The following KHDRBS2 variants were observed in gnomAD, a reference collection of about 807,000 sequenced individuals.
The protein encoded by KHDRBS2 is KH RNA binding domain containing, signal transduction associated 2.
KHDRBS2 carries 26 observed loss-of-function variants against 44.3 expected under a neutral mutation model. The observed-to-expected ratio is 0.59, with a 90% confidence interval of 0.43 to 0.81. The LOEUF is 0.81. KHDRBS2 is among the 40% of genes least tolerant of loss of function. The probability of loss-of-function intolerance (pLI) is 0.00; values close to 1 mark genes in which losing one functional copy is unlikely to be tolerated. For missense variants in KHDRBS2, 476 were observed against 433.1 expected (o/e 1.10, Z -0.88); for synonymous variants, 194 against 151.1 (o/e 1.28, Z -2.08).
At chr6:61,568,267 G>A in the KHDRBS2 span, among the ~76,000 whole-genome samples, 1 of 152,184 alleles carries the variant, frequency 6.6e-6, no homozygotes, top group East Asian at 1.9e-4. Flanking sequence ...TTGAAGACAA[G>A]TAAAGTGATG....
intron 2 of KHDRBS2, among the ~76,000 whole-genome samples, chr6:62,076,567 A>G (rs1425676357): frequency 4.6e-5 from 7 of 151,920 alleles, no homozygotes; most frequent in Admixed American, 4.6e-4. Context: ...TTTTGTCTAG[A>G]AAGTTAGTTG....
At chr6:61,901,407 G>A in intron 4 of KHDRBS2, 36 bp from the exon 5 acceptor site, 2 of 1,555,044 alleles carry the variant, frequency 1.3e-6, no homozygotes, top group Admixed American at 1.8e-5. Context: ...GTTAAAAATG[G>A]GACATGCCGT....
chr6:62,064,696 A>G (rs543829865), intron 2 of KHDRBS2, among the ~76,000 whole-genome samples: 2 of 152,182 alleles, frequency 1.3e-5, no homozygotes, highest in Admixed American at 6.5e-5. Flanking sequence ...AAACCTAGGC[A>G]TTACCATTCA....
rs1287712185 is a variant in KHDRBS2 at position 61,783,868 on chromosome 6, G to A, written c.811-51104C>T. On this transcript the variant is annotated intron_variant, in intron 6 of 8. Coordinates refer to ENST00000281156, the MANE Select transcript of KHDRBS2 (RefSeq NM_152688.4). ...ACTGTTGTATTAGGAGAAAAATACA[G>A]CATTTAATTATGTGAATGGTTGTTA... Among the ~76,000 whole-genome samples, 9 of 152,128 alleles carry A rather than the reference G, an allele frequency of 5.9e-5. 1 individual carries two copies. The East Asian group carries it at 1.7e-3, about 29-fold the overall frequency.
chr6:61,918,137 AT>A (rs1807364833), intron 4 of KHDRBS2, among the ~76,000 whole-genome samples: 1 of 151,994 alleles, frequency 6.6e-6, no homozygotes, highest in Non-Finnish European at 1.5e-5. Context: ...AGCAGGGATT[AT>A]GTGGTAGAAA....
At chr6:61,992,490 T>C (rs985678343) in intron 3 of KHDRBS2, among the ~76,000 whole-genome samples, 1 of 152,152 alleles carries the variant, frequency 6.6e-6, no homozygotes, top group African/African-American at 2.4e-5. Context: ...TAAATGATAT[T>C]AGTTCTTAAA....
the KHDRBS2 span, among the ~76,000 whole-genome samples, chr6:61,619,546 C>A: frequency 6.6e-6 from 1 of 152,168 alleles, no homozygotes; most frequent in Non-Finnish European, 1.5e-5. Flanking sequence ...CCTCTGCCTC[C>A]CGGATTCTAG....
chr6:61,620,301 C>A, the KHDRBS2 span, among the ~76,000 whole-genome samples: 1 of 151,770 alleles, frequency 6.6e-6, no homozygotes, highest in East Asian at 1.9e-4. Context: ...CTTAAGGAGC[C>A]TATTTCATTA....
chr6:61,990,759 G>C (rs1348720743), intron 3 of KHDRBS2, among the ~76,000 whole-genome samples: 1 of 151,610 alleles, frequency 6.6e-6, no homozygotes, highest in Non-Finnish European at 1.5e-5. Flanking sequence ...CACCAGGCTG[G>C]AGTGCAGTGG....
At chr6:61,673,169 T>C in the KHDRBS2 span, among the ~76,000 whole-genome samples, 2 of 151,980 alleles carry the variant, frequency 1.3e-5, no homozygotes, top group Non-Finnish European at 2.9e-5. Context: ...ATATGTGGTG[T>C]TATTTCTGAG....
rs1224638849 is a variant in KHDRBS2 at position 62,165,393 on chromosome 6, T to C, written c.219+11792A>G. Among the ~76,000 whole-genome samples, 4 of 151,244 alleles carry C rather than the reference T, an allele frequency of 2.6e-5. No homozygotes were observed. The East Asian group carries it at 7.7e-4, about 29-fold the overall frequency. ...TCTTACTGGTTATCTCTCTAACACT[T>C]TTTCAATAAATTATTTATTCATATT... is the stretch of plus-strand genomic sequence containing the variant. On this transcript the variant is annotated intron_variant, in intron 2 of 8. Coordinates refer to ENST00000281156, the MANE Select transcript of KHDRBS2 (RefSeq NM_152688.4).
At chr6:61,572,599 G>C in the KHDRBS2 span, among the ~76,000 whole-genome samples, 1 of 151,992 alleles carries the variant, frequency 6.6e-6, no homozygotes, top group Non-Finnish European at 1.5e-5. Flanking sequence ...AAATCCAAAA[G>C]CATATCAAAA....
In KHDRBS2 at chr6:61,858,960, T is replaced by C. The variant is rs533510357; in HGVS notation, c.810+35675A>G. On this transcript the variant is annotated intron_variant, in intron 6 of 8. Transcript: ENST00000281156. ...ATTTAAAATTACTTCTACACATGGA[T>C]AAAGACTGGAAAATATGGAACAAAC... Among the ~76,000 whole-genome samples the C allele has an allele frequency of 2.2e-3, 334 of 151,960 alleles. 1 individual carries two copies. Among genetic ancestry groups the C allele is most frequent in the African/African-American group, 7.5e-3 (310 of 41,502 alleles).
intron 7 of KHDRBS2, among the ~76,000 whole-genome samples, 200 bp downstream of exon 7, chr6:61,732,482 C>A (rs561075909): frequency 6.6e-6 from 1 of 152,236 alleles, no homozygotes; most frequent in Admixed American, 6.5e-5. Context: ...GAATGACACA[C>A]TACTATTTCT....
intron 6 of KHDRBS2, among the ~76,000 whole-genome samples, chr6:61,789,042 C>G (rs547002561): frequency 6.6e-6 from 1 of 151,488 alleles, no homozygotes; most frequent in African/African-American, 2.4e-5. Flanking sequence ...CTCTATGCCT[C>G]AGTTTTCTCA....
chr6:61,901,538 C>T (rs1035286976), intron 4 of KHDRBS2, among the ~76,000 whole-genome samples, 167 bp from the exon 5 acceptor site: 1 of 151,816 alleles, frequency 6.6e-6, no homozygotes, highest in Non-Finnish European at 1.5e-5. Flanking sequence ...AGTGTATATA[C>T]TTTAAATTCC....
At chr6:62,177,888 T>C (rs1821463297) in intron 1 of KHDRBS2, among the ~76,000 whole-genome samples, 1 of 151,430 alleles carries the variant, frequency 6.6e-6, no homozygotes, top group African/African-American at 2.4e-5. Flanking sequence ...AGACATTATA[T>C]AGGTGTTTAA....
intron 3 of KHDRBS2, among the ~76,000 whole-genome samples, chr6:62,001,525 C>T (rs1440281224): frequency 6.6e-6 from 1 of 151,494 alleles, no homozygotes; most frequent in Non-Finnish European, 1.5e-5. Context: ...TTGAAACTGC[C>T]CAGGGTGGAA....
chr6:61,556,396 G>T, the KHDRBS2 span, among the ~76,000 whole-genome samples: 1 of 152,272 alleles, frequency 6.6e-6, no homozygotes, highest in Non-Finnish European at 1.5e-5. Flanking sequence ...TGGGAAAGAA[G>T]TCAAGCTTAT....
Sources: gnomAD v4.1 joint callset for allele counts (sites outside exome capture counted in the v4.1 genomes callset) on GRCh38, gnomAD v4.1.1 for gene constraint, MANE v1.5 for transcripts, NCBI Gene and HGNC (gene_info 2026-07-23, HGNC 2026-07-21) for gene names.